ARL17B: variants seen among roughly 807,000 people sequenced by gnomAD.
ARL17B encodes ADP-ribosylation factor-like protein 17.
At chr17:46,287,794 G>T (rs1280030190) in intron 4 of ARL17B, among the ~76,000 whole-genome samples, 1 of 152,226 alleles carries the variant, frequency 6.6e-6, no homozygotes, top group African/African-American at 2.4e-5. Flanking sequence ...GCTTGGCAGG[G>T]TCTACACTGC....
intron 4 of ARL17B, among the ~76,000 whole-genome samples, chr17:46,285,491 C>G (rs1385138624): frequency 1.3e-5 from 2 of 152,036 alleles, no homozygotes; most frequent in Non-Finnish European, 2.9e-5. Flanking sequence ...TTGCCCACCT[C>G]AGCCCCCACA....
intron 4 of ARL17B, among the ~76,000 whole-genome samples, chr17:46,281,008 T>C (rs2049748605): frequency 6.6e-6 from 1 of 152,216 alleles, no homozygotes. Context: ...AATCATTTTT[T>C]CTTAAACTTT....
At chr17:46,286,170 T>C (rs2049902148) in intron 4 of ARL17B, among the ~76,000 whole-genome samples, 1 of 152,260 alleles carries the variant, frequency 6.6e-6, no homozygotes, top group Admixed American at 6.5e-5. Flanking sequence ...ACCTGAAAAT[T>C]TGCTAAACCC....
At chr17:46,279,683 A>G (rs1338084069) in intron 4 of ARL17B, among the ~76,000 whole-genome samples, 1 of 151,682 alleles carries the variant, frequency 6.6e-6, no homozygotes, top group Non-Finnish European at 1.5e-5. Context: ...TTTTGTAAAG[A>G]TGGGGTTTCC....
At position 46,325,951 on chromosome 17, in the gene ARL17B, A is replaced by G. The variant is rs2051711591; in HGVS notation, c.260-26286T>C. ...TTAAAGGAAAAAAAGAAAATGTTTA[A>G]AATAAAAAGTTGGGGGCAGAAAAAG... is the stretch of plus-strand genomic sequence containing the variant. On this transcript the variant is annotated intron_variant, in intron 3 of 4. Transcript: ENST00000434041. Among the ~76,000 whole-genome samples, 2 of 68,982 alleles carry G rather than the reference A, an allele frequency of 2.9e-5. 1 individual carries two copies. Among genetic ancestry groups the G allele is most frequent in the Admixed American group, 2.9e-4 (2 of 6,940 alleles). The allele number at this position is 68,982 out of a possible 152,430, so 45.3% of individuals were successfully genotyped here.
intron 2 of ARL17B, among the ~76,000 whole-genome samples, chr17:46,357,413 A>G (rs543207162): frequency 0.037 from 1,492 of 40,202 alleles, 483 homozygotes; most frequent in African/African-American, 0.08. Flanking sequence ...CAGCTTGTCT[A>G]TTTCTCTAGT....
chr17:46,277,890 C>T (rs2049636327), intron 4 of ARL17B, among the ~76,000 whole-genome samples: 1 of 152,110 alleles, frequency 6.6e-6, no homozygotes, highest in African/African-American at 2.4e-5. Context: ...AACCGCCCAC[C>T]TCAGCCTCCC....
At chr17:46,288,062 G>C (rs1378319073) in intron 4 of ARL17B, among the ~76,000 whole-genome samples, 1 of 152,200 alleles carries the variant, frequency 6.6e-6, no homozygotes. Flanking sequence ...GATTCACCTA[G>C]AGGAATGGAA....
downstream of ARL17B, chr17:46,332,526 T>G (rs761983793): frequency 1.4e-6 from 2 of 1,428,610 alleles, no homozygotes; most frequent in African/African-American, 3.1e-5. Context: ...TCATTCTGGT[T>G]TTTTTTTGTG....
chr17:46,283,688 GAC>G lies in ARL17B; in HGVS notation c.*22-8272_*22-8271del, dbSNP rs369430870. On this transcript the variant is annotated intron_variant, in intron 4 of 4. Coordinates refer to the ARL17B transcript ENST00000570618. ...GAACGAGAGACTTGGAAAAGAAAAA[GAC>G]ACAGAGACAAAGTACAGACAAAGAA... Among the ~76,000 whole-genome samples the G allele has an allele frequency of 1.2e-3, 178 of 152,296 alleles. 3 individuals are homozygous for G. Among genetic ancestry groups the G allele is most frequent in the African/African-American group, 4.0e-3 (167 of 41,544 alleles).
downstream of ARL17B, among the ~76,000 whole-genome samples, chr17:46,298,723 C>CAAA (rs1189992034): frequency 1.4e-3 from 55 of 40,392 alleles, no homozygotes; most frequent in African/African-American, 4.1e-3. Context: ...GACTCCATCT[C>CAAA]AAAAAAAAAA....
intron 4 of ARL17B, among the ~76,000 whole-genome samples, chr17:46,282,792 G>C (rs12940228): frequency 6.6e-6 from 1 of 152,206 alleles, no homozygotes; most frequent in East Asian, 1.9e-4. Flanking sequence ...CTACAGAAGA[G>C]AGAAAGCACC....
chr17:46,285,402 G>A (rs1388233541), intron 4 of ARL17B, among the ~76,000 whole-genome samples: 4 of 151,908 alleles, frequency 2.6e-5, no homozygotes, highest in African/African-American at 4.8e-5. Flanking sequence ...CACCACACCC[G>A]ACTAGTTTTT....
intron 4 of ARL17B, among the ~76,000 whole-genome samples, chr17:46,276,320 T>G (rs1237133316): frequency 6.6e-6 from 1 of 152,260 alleles, no homozygotes; most frequent in Non-Finnish European, 1.5e-5. Context: ...AGTTTACAAT[T>G]TTTAAATACA....
intron 3 of ARL17B, among the ~76,000 whole-genome samples, chr17:46,340,206 GT>G (rs1165673930): frequency 3.7e-4 from 31 of 83,630 alleles, no homozygotes; most frequent in East Asian, 2.6e-3. Flanking sequence ...AGTTTTGTTT[GT>G]TTTTTTTTCT....
chr17:46,332,191 C>T (rs1377871923), downstream of ARL17B, among the ~76,000 whole-genome samples: 12 of 25,304 alleles, frequency 4.7e-4, no homozygotes, highest in East Asian at 0.017. Context: ...TGGTAGCTCA[C>T]GCCTGTAATC....
intron 4 of ARL17B, among the ~76,000 whole-genome samples, chr17:46,291,237 G>A (rs573137450): frequency 3.3e-5 from 5 of 152,312 alleles, no homozygotes; most frequent in Admixed American, 6.5e-5. Flanking sequence ...ATGGTATAGC[G>A]GGTGCACACT....
intron 4 of ARL17B, chr17:46,294,017 G>T (rs1440473770): frequency 3.1e-5 from 3 of 98,238 alleles, no homozygotes; most frequent in African/African-American, 8.8e-5. Flanking sequence ...CTCCTGAGTA[G>T]CTGGGATTGC....
chr17:46,278,031 C>T (rs920088318), intron 4 of ARL17B, among the ~76,000 whole-genome samples: 7 of 152,050 alleles, frequency 4.6e-5, no homozygotes, highest in Admixed American at 2.0e-4. Context: ...CTGCAACCTC[C>T]GCCTCCCACG....
Sources: gnomAD v4.1 joint callset for allele counts (sites outside exome capture counted in the v4.1 genomes callset) on GRCh38, gnomAD v4.1.1 for gene constraint, MANE v1.5 for transcripts, NCBI Gene and HGNC (gene_info 2026-07-23, HGNC 2026-07-21) for gene names.